The following TRIM7 variants were observed in gnomAD, a reference collection of about 807,000 sequenced individuals.
TRIM7 encodes the protein tripartite motif containing 7.
In TRIM7, 32 loss-of-function variants were observed where a neutral mutation model predicts 37.9. That is an observed-to-expected ratio of 0.84 (90% CI 0.64 to 1.13). The LOEUF (loss-of-function observed/expected upper bound fraction) is 1.13, where lower values mean the gene tolerates loss of function less well. Ranked by LOEUF, TRIM7 falls within the 50% of genes most tolerant of loss-of-function variation. TRIM7 has a pLI of 0.00. For missense variants in TRIM7, 732 were observed against 714.0 expected (o/e 1.03, Z -0.29); for synonymous variants, 351 against 321.3 (o/e 1.09, Z -0.99).
rs981540833 is a variant in TRIM7, at chr5:181,195,382, G to T, written c.1320C>A (p.Gly440=). The change falls in exon 7 of 7, where the codon GGC becomes GGA. Residue 440 remains glycine, a synonymous_variant. Coordinates refer to ENST00000274773, the MANE Select transcript of TRIM7 (RefSeq NM_203293.3). The part of the protein sequence containing the change: ...EGVWALQLNG[G]QYWAVTSPER... ...CGGGGCTGGTCACGGCCCAGTACTG[G>T]CCGCCGTTGAGCTGCAGGGCCCAGA... 15 of 1,581,614 alleles carry T rather than the reference G, an allele frequency of 9.5e-6. No individual in the cohort carries two copies. The African/African-American group carries it at 1.9e-4, about 20-fold the overall frequency.
chr5:181,204,132 G>A (rs1757678260), intron 1 of TRIM7: 1 of 999,646 alleles, frequency 1.0e-6, no homozygotes, highest in Non-Finnish European at 1.2e-6. Flanking sequence ...CCCCCTCCCT[G>A]GACATCTTGG....
At chr5:181,200,292 C>T (rs998496922) in intron 2 of TRIM7, 8 of 1,440,860 alleles carry the variant, frequency 5.6e-6, no homozygotes, top group Non-Finnish European at 7.3e-6. Flanking sequence ...TCTCCCCTGC[C>T]ACAGATGCAC....
chr5:181,200,047 G>T lies in TRIM7; in HGVS notation c.653C>A (p.Ala218Glu). 1 of 1,614,224 alleles carries T rather than the reference G, an allele frequency of 6.2e-7. No homozygotes were observed. Among genetic ancestry groups the T allele is most frequent in the South Asian group, 1.1e-5 (1 of 91,086 alleles). ...QMAAEQEKVGAEFQALRAFLV... is the reference protein window; with the variant it reads ...QMAAEQEKVGEEFQALRAFLV... ...GAAAGCCCTCAGTGCCTGGAACTCTGCCCCCACCTTCTCCTGCTCCGCTGC... is the reference window on the plus strand; with the variant it reads ...GAAAGCCCTCAGTGCCTGGAACTCTTCCCCCACCTTCTCCTGCTCCGCTGC... The change falls in exon 3 of 7, where the codon GCA becomes GAA. Residue 218 changes from alanine to glutamate, a missense_variant. Coordinates refer to ENST00000274773, the MANE Select transcript of TRIM7 (RefSeq NM_203293.3).
intron 2 of TRIM7, 100 bp from the exon 3 acceptor site, chr5:181,200,181 ACTG>A: frequency 1.2e-6 from 2 of 1,601,550 alleles, no homozygotes; most frequent in Non-Finnish European, 1.7e-6. Context: ...CGTCCCTGTC[ACTG>A]CTGGAGGATC....
rs1365392297 is a variant in TRIM7, at chr5:181,203,960, GC to G, written c.523-321del. 3 of 1,109,426 alleles carry G rather than the reference GC, an allele frequency of 2.7e-6. No individual in the cohort carries two copies. The African/African-American group carries it at 4.9e-5, about 18-fold the overall frequency. 68.7% of individuals were successfully genotyped at this position (1,109,426 alleles called of 1,614,324 possible). The stretch of plus-strand genomic sequence containing the variant: ...GGGAGAGTTGGAGCAGGATGGGCCA[GC>G]AAGGAGAGACTGGGGACTGCCGCCC... On this transcript the variant is annotated intron_variant, in intron 1 of 6. Transcript: ENST00000274773.
intron 6 of TRIM7, 153 bp downstream of exon 6, chr5:181,198,030 G>T: frequency 1.4e-6 from 1 of 707,592 alleles, no homozygotes; most frequent in Non-Finnish European, 2.4e-6. Context: ...ATGGGGAGGG[G>T]GTGGTGTGGG....
chr5:181,198,938 C>T, intron 4 of TRIM7, 133 bp from the exon 5 acceptor site: 1 of 1,197,406 alleles, frequency 8.4e-7, no homozygotes. Flanking sequence ...CAGAAAAACC[C>T]ATGGCCAGGC....
At chr5:181,203,899 C>A in intron 1 of TRIM7, 1 of 1,227,268 alleles carries the variant, frequency 8.1e-7, no homozygotes, top group Non-Finnish European at 1.0e-6. Flanking sequence ...GTCGTCTCCT[C>A]TACTCTCCGC....
chr5:181,195,820 A>AC (rs2113052791), intron 6 of TRIM7, 143 bp from the exon 7 acceptor site: 2 of 1,014,498 alleles, frequency 2.0e-6, no homozygotes, highest in African/African-American at 1.7e-5. Flanking sequence ...GGCCCAACCA[A>AC]CCCCCACGCT....
intron 1 of TRIM7, chr5:181,204,100 G>T: frequency 1.0e-6 from 1 of 998,634 alleles, no homozygotes; most frequent in Non-Finnish European, 1.2e-6. Context: ...GACGGCTCTA[G>T]GTGCGCGGCT....
intron 5 of TRIM7, among the ~76,000 whole-genome samples, chr5:181,198,477 C>T (rs891174984): frequency 2.0e-5 from 3 of 152,206 alleles, no homozygotes; most frequent in African/African-American, 7.2e-5. Context: ...CCAGCAGTAC[C>T]CCTCTACCCC....
chr5:181,195,852 T>TC (rs1372155744), intron 6 of TRIM7, 175 bp from the exon 7 acceptor site: 8 of 735,588 alleles, frequency 1.1e-5, no homozygotes, highest in South Asian at 5.6e-5. Context: ...AGATTTTGCT[T>TC]CCCCCCGCCC....
At chr5:181,200,968 C>T (rs1332654962) in intron 2 of TRIM7, 4 of 974,810 alleles carry the variant, frequency 4.1e-6, no homozygotes, top group Non-Finnish European at 4.9e-6. Flanking sequence ...CTCCCTCAAC[C>T]CTGACGGCAG....
At chr5:181,203,926 C>G (rs937652006) in intron 1 of TRIM7, 14 of 1,171,508 alleles carry the variant, frequency 1.2e-5, no homozygotes, top group Non-Finnish European at 1.5e-5. Flanking sequence ...ACCAGGAAGC[C>G]CCGTGGCTGG....
At chr5:181,203,831 C>T (rs144970673) in intron 1 of TRIM7, 191 bp from the exon 2 acceptor site, 14,116 of 1,358,040 alleles carry the variant, frequency 0.01, 100 homozygotes, top group Middle Eastern at 0.019. Flanking sequence ...CTTGCTTCCC[C>T]AAAAGCATCT....
intron 3 of TRIM7, chr5:181,199,417 G>A (rs760107328): frequency 3.1e-5 from 16 of 524,536 alleles, no homozygotes; most frequent in East Asian, 1.4e-4. Context: ...CCAGTGCTGC[G>A]TGTGTCCTGG....
At chr5:181,200,300 C>T in intron 2 of TRIM7, 1 of 1,439,134 alleles carries the variant, frequency 6.9e-7, no homozygotes, top group Non-Finnish European at 9.1e-7. Flanking sequence ...GCCACAGATG[C>T]ACCCACACAT....
At chr5:181,199,281 C>G (rs1338003723) in intron 3 of TRIM7, 164 bp from the exon 4 acceptor site, 2 of 743,462 alleles carry the variant, frequency 2.7e-6, no homozygotes, top group Admixed American at 4.4e-5. Flanking sequence ...CCAGTGGCTG[C>G]TGGCTGCAGG....
At chr5:181,203,964 G>A in intron 1 of TRIM7, 2 of 1,101,936 alleles carry the variant, frequency 1.8e-6, no homozygotes, top group Non-Finnish European at 2.2e-6. Flanking sequence ...GGGCCAGCAA[G>A]GAGAGACTGG....
Sources: allele counts gnomAD v4.1 joint callset (sites outside exome capture counted in the v4.1 genomes callset), GRCh38; gene constraint gnomAD v4.1.1; transcripts MANE v1.5; gene names NCBI Gene and HGNC (gene_info 2026-07-23, HGNC 2026-07-21).